CARMIL3: variants seen among roughly 807,000 people sequenced by gnomAD.
CARMIL3 encodes capping protein regulator and myosin 1 linker 3.
In CARMIL3, 88 loss-of-function variants were observed where a neutral mutation model predicts 180.8. The observed-to-expected ratio is 0.49, with a 90% CI of 0.41 to 0.58. CARMIL3 has a LOEUF of 0.58. Ranked by LOEUF, CARMIL3 falls within the 20% of genes least tolerant of loss-of-function variation. CARMIL3 has a pLI of 0.00. For missense variants in CARMIL3, 1,548 were observed against 1,787.0 expected (o/e 0.87, Z 2.41); for synonymous variants, 696 against 714.5 (o/e 0.97, Z 0.41).
rs779088663 is a variant in CARMIL3, at chr14:24,068,651, G to A, written c.3750G>A (p.Glu1250=). Residue 1250 remains glutamate, a synonymous_variant, in exon 37 of 40, where the codon GAG becomes GAA. Coordinates refer to ENST00000342740, the MANE Select transcript of CARMIL3 (RefSeq NM_138360.4). The part of the protein sequence containing the change: ...PSPASQDGEE[E]KEGTLFPERT... The stretch of plus-strand genomic sequence containing the variant: ...CAGCCTCCCAAGATGGGGAAGAGGA[G>A]AAGGAGGGGACCCTCTTCCCAGAGA... The A allele has an allele frequency of 2.2e-5, 36 of 1,613,898 alleles. No homozygotes were observed. The highest frequency in any genetic ancestry group is 5.3e-5 in the African/African-American group (4 of 74,914).
At chr14:24,064,544 G>A (rs1367233665) in intron 32 of CARMIL3, among the ~76,000 whole-genome samples, 198 bp downstream of exon 32, 1 of 152,168 alleles carries the variant, frequency 6.6e-6, no homozygotes, top group Non-Finnish European at 1.5e-5. Context: ...GGACAGCTGG[G>A]AAGAATGGGG....
chr14:24,064,992 C>T lies in CARMIL3; in HGVS notation c.3115C>T (p.Leu1039Phe). 1 of 1,612,366 alleles carries T rather than the reference C, an allele frequency of 6.2e-7. No homozygotes were observed. The highest frequency in any genetic ancestry group is 1.1e-5 in the South Asian group (1 of 91,058). The change falls in exon 33 of 40, where the codon CTC (leucine) becomes TTC (phenylalanine). Residue 1039 changes from leucine (L) to phenylalanine (F), a missense_variant. Coordinates refer to ENST00000342740, the MANE Select transcript of CARMIL3 (RefSeq NM_138360.4). The stretch of plus-strand genomic sequence containing the variant: ...GACTCTGAGGACCGTGCGGCCAGGA[C>T]TCTCGGAGGCACCGCTGCCTCCACT... ...PRTLRTVRPG[L>F]SEAPLPPLQK...
In CARMIL3 at chr14:24,059,419, C is replaced by G. The variant is rs942533548; in HGVS notation, c.1776C>G (p.Ala592=). The change falls in exon 21 of 40, where the codon GCC becomes GCG. Residue 592 remains alanine (A), a synonymous_variant. Transcript: ENST00000342740. The surrounding 1 kb of genome is among the most constrained non-coding windows in gnomAD (Gnocchi z 6.3). ...EDIGAKMLSK[A]LQINSSLRTI... ...TCGGGGCCAAGATGCTGTCTAAGGC[C>G]CTGCAGATAAACTCCTCCCTCAGGT... 1 of 1,587,656 alleles carries G rather than the reference C, an allele frequency of 6.3e-7. No individual in the cohort carries two copies. Among genetic ancestry groups the G allele is most frequent in the Non-Finnish European group, 8.6e-7 (1 of 1,167,166 alleles).
chr14:24,059,070 C>T lies in CARMIL3; in HGVS notation c.1572-65C>T, dbSNP rs995209269. The T allele has an allele frequency of 3.5e-5, 56 of 1,588,126 alleles. No individual in the cohort carries two copies. Among genetic ancestry groups the T allele is most frequent in the Admixed American group, 3.4e-4 (19 of 55,838 alleles). On this transcript the variant is annotated intron_variant, in intron 19 of 39. Transcript: ENST00000342740. The surrounding 1 kb of genome is among the most constrained non-coding windows in gnomAD (Gnocchi z 6.3). Reference sequence around the variant, plus strand: ...CTCACCGTATTACCTCTGGCCACCTCTCTCCTCCTCCAATAGCATGACCCC... The same window carrying T: ...CTCACCGTATTACCTCTGGCCACCTTTCTCCTCCTCCAATAGCATGACCCC...
In CARMIL3 at chr14:24,053,759, G is replaced by A. The variant is rs1250362857; in HGVS notation, c.91G>A (p.Val31Met). 1 of 1,613,838 alleles carries A rather than the reference G, an allele frequency of 6.2e-7. No homozygotes were observed. The highest frequency in any genetic ancestry group is 1.7e-5 in the Admixed American group (1 of 59,970). ...AGGGGCCGTGCTCCAACAACATCATGTGAAGTTGGAGACAAAGCCCAAGAA... is the reference window on the plus strand; with the variant it reads ...AGGGGCCGTGCTCCAACAACATCATATGAAGTTGGAGACAAAGCCCAAGAA... ...SQGAVLQQHH[V>M]KLETKPKKFE... is the part of the protein sequence containing the mutation. The change falls in exon 2 of 40, where the codon GTG (valine) becomes ATG (methionine). Residue 31 changes from valine to methionine, a missense_variant. By Grantham distance (21) the Val-to-Met change is conservative (BLOSUM62 1). Coordinates refer to ENST00000342740, the MANE Select transcript of CARMIL3 (RefSeq NM_138360.4).
In CARMIL3 at chr14:24,055,614, G is replaced by A. The variant is rs141245222; in HGVS notation, c.677G>A (p.Arg226Gln). 54 of 1,613,986 alleles carry A rather than the reference G, an allele frequency of 3.3e-5. No individual in the cohort carries two copies. The African/African-American group carries it at 5.9e-4, about 18-fold the overall frequency. The change falls in exon 9 of 40, where the codon CGG becomes CAG. Residue 226 changes from arginine (R) to glutamine (Q), a missense_variant. Physicochemically the swap from Arg to Gln is conservative, Grantham distance 43. Coordinates refer to ENST00000342740, the MANE Select transcript of CARMIL3 (RefSeq NM_138360.4). ...ACCAAACTCTACTGCAAGGACTTGC[G>A]GCTGGTAGGAACTGGGAGGGGCTGG... is the stretch of plus-strand genomic sequence containing the variant. The part of the protein sequence containing the change: ...WFTKLYCKDL[R>Q]LGSEVLEQVL...
Position 24,059,005 on chromosome 14 carries a change from G to A in CARMIL3, c.1571+19G>A, listed in dbSNP as rs2035702627. ...AGGCCAAGTGAGGCCCCCTTTCCAT[G>A]CCCACAGACCCTCATCCCATCATTC... On this transcript the variant is annotated intron_variant, in intron 19 of 39. Transcript: ENST00000342740. The surrounding 1 kb of genome is among the most constrained non-coding windows in gnomAD (Gnocchi z 6.3). The A allele has an allele frequency of 1.9e-6, 3 of 1,613,120 alleles. No individual in the cohort carries two copies. Among genetic ancestry groups the A allele is most frequent in the Non-Finnish European group, 2.5e-6 (3 of 1,179,506 alleles).
chr14:24,064,200 C>T, intron 31 of CARMIL3, 46 bp from the exon 32 acceptor site: 1 of 1,404,926 alleles, frequency 7.1e-7, no homozygotes, highest in East Asian at 2.4e-5. Context: ...GGAGGTGGGG[C>T]TTCCTGACCT....
intron 8 of CARMIL3, 103 bp from the exon 9 acceptor site, chr14:24,055,440 C>G: frequency 2.0e-6 from 3 of 1,485,012 alleles, no homozygotes; most frequent in Non-Finnish European, 2.8e-6. Context: ...TCCCCATCTA[C>G]CCATTTAGGC....
chr14:24,059,230 G>T lies in CARMIL3; in HGVS notation c.1627-40G>T. 6.2e-7 allele frequency: 1 copy of T among 1,613,808 alleles called. No homozygotes were observed. The highest frequency in any genetic ancestry group is 2.2e-5 in the East Asian group (1 of 44,870). The stretch of plus-strand genomic sequence containing the variant: ...TGGGAGGGGACCTGCAGTCGGAGGA[G>T]GCTGTGGGGACTGGGTCCAACCGCC... On this transcript the variant is annotated intron_variant, in intron 20 of 39. Transcript: ENST00000342740. This position sits in a 1 kb window ranked among gnomAD's most constrained non-coding sequence, Gnocchi z 6.3.
At position 24,064,323 on chromosome 14, in the gene CARMIL3, A is replaced by C. The variant is rs779831129; in HGVS notation, c.3057A>C (p.Arg1019=). The C allele has an allele frequency of 5.0e-6, 8 of 1,611,818 alleles. No individual in the cohort carries two copies. Among genetic ancestry groups the C allele is most frequent in the Non-Finnish European group, 6.8e-6 (8 of 1,178,976 alleles). Residue 1019 remains arginine, a synonymous_variant, in exon 32 of 40, where the codon CGA becomes CGC. Transcript: ENST00000342740. Reference sequence around the variant, plus strand: ...AAGGGCTGGAGGACTTCTTCAGCCGAAGGGTCCTGGAGGAAAGTTCTAGGT... The same window carrying C: ...AAGGGCTGGAGGACTTCTTCAGCCGCAGGGTCCTGGAGGAAAGTTCTAGGT... ...LDEGLEDFFS[R]RVLEESSSYP...
At chr14:24,066,898 T>C (rs2035792814) in intron 36 of CARMIL3, among the ~76,000 whole-genome samples, 1 of 152,232 alleles carries the variant, frequency 6.6e-6, no homozygotes, top group South Asian at 2.1e-4. Context: ...GGAGCGATGC[T>C]TTGTGGATGG....
rs969370405 is a variant in CARMIL3, at chr14:24,061,070, G to A, written c.2304+30G>A. 18 of 1,538,062 alleles carry A rather than the reference G, an allele frequency of 1.2e-5. No homozygotes were observed. The highest frequency in any genetic ancestry group is 9.8e-5 in the East Asian group (4 of 40,872). ...GTCCTGGAGGAGGGAGGAATCCATG[G>A]TGGGAACCTAGTGTTGACTGAGGCC... is the stretch of plus-strand genomic sequence containing the variant. On this transcript the variant is annotated intron_variant, in intron 26 of 39. Transcript: ENST00000342740. This position sits in a 1 kb window ranked among gnomAD's most constrained non-coding sequence, Gnocchi z 4.1.
At position 24,061,416 on chromosome 14, in the gene CARMIL3, A is replaced by G; in HGVS notation, c.2305-81A>G. ...CTCAGTCTCAGCAGGAGGGGCTGGA[A>G]TAGATAAAGTCTCTTCTGCTGTGGT... On this transcript the variant is annotated intron_variant, in intron 26 of 39. Transcript: ENST00000342740. The surrounding 1 kb of genome is among the most constrained non-coding windows in gnomAD (Gnocchi z 4.1). 1 of 1,411,834 alleles carries G rather than the reference A, an allele frequency of 7.1e-7. No homozygotes were observed. Among genetic ancestry groups the G allele is most frequent in the Non-Finnish European group, 9.7e-7 (1 of 1,035,754 alleles). 87.5% of individuals were successfully genotyped at this position (1,411,834 alleles called of 1,614,324 possible). A position where few individuals can be genotyped will look rare whatever the true frequency, so the allele number is the denominator to read the frequency against.
At chr14:24,052,219 A>G in intron 1 of CARMIL3, 26 bp downstream of exon 1, 1 of 1,577,398 alleles carries the variant, frequency 6.3e-7, no homozygotes, top group Non-Finnish European at 8.6e-7. Context: ...GGTCTCTGGG[A>G]CGCCCCGTCC....
At chr14:24,065,420 G>A in intron 33 of CARMIL3, 147 bp downstream of exon 33, 1 of 1,061,252 alleles carries the variant, frequency 9.4e-7, no homozygotes, top group East Asian at 2.7e-5. Context: ...CTCCTTGAGA[G>A]TGGACTAAGA....
In CARMIL3 at chr14:24,065,631, G is replaced by C. The variant is rs768139379; in HGVS notation, c.3406G>C (p.Gly1136Arg). Residue 1136 changes from glycine (G) to arginine (R), a missense_variant, in exon 34 of 40, where the codon GGG becomes CGG. Gly to Arg is a moderately radical substitution (Grantham distance 125). Around this residue, in one of 4 missense-constraint regions of CARMIL3, gnomAD observed 668 missense variants for 687.8 expected, o/e 0.97. Coordinates refer to ENST00000342740, the MANE Select transcript of CARMIL3 (RefSeq NM_138360.4). ...AGAGACCTTGTTCTAGGGCACTGAG[G>C]GGTCAGAGCCAGGGGAGGGGGGCCC... The part of the protein sequence containing the change: ...PSFRRKMGTE[G>R]SEPGEGGPAP... The C allele has an allele frequency of 6.8e-6, 11 of 1,611,466 alleles. No homozygotes were observed. The highest frequency in any genetic ancestry group is 9.3e-6 in the Non-Finnish European group (11 of 1,179,012).
intron 34 of CARMIL3, 132 bp from the exon 35 acceptor site, chr14:24,066,266 G>A: frequency 9.2e-7 from 1 of 1,086,618 alleles, no homozygotes; most frequent in Non-Finnish European, 1.3e-6. Flanking sequence ...GCCACTCTTT[G>A]GGAAACAGTT....
chr14:24,062,087 C>A, intron 27 of CARMIL3: 1 of 342,740 alleles, frequency 2.9e-6, no homozygotes. Flanking sequence ...AAAACTAGTA[C>A]ACATACCTAT....
Sources: allele counts gnomAD v4.1 joint callset (sites outside exome capture counted in the v4.1 genomes callset), GRCh38; gene constraint gnomAD v4.1.1; regional missense constraint gnomAD v4.1.1; non-coding constraint Gnocchi (gnomAD v3.1); transcripts MANE v1.5; gene names NCBI Gene and HGNC (gene_info 2026-07-23, HGNC 2026-07-21).